SP110: variants seen among roughly 807,000 people sequenced by gnomAD.
The protein encoded by SP110 is interferon-induced protein 41, 30kD.
Under a neutral mutation model 92.7 loss-of-function variants are expected in SP110, and 62 were observed. The observed-to-expected ratio is 0.67, with a 90% CI of 0.55 to 0.83. SP110 has a LOEUF of 0.83. SP110 is among the 40% of genes least tolerant of loss of function. The pLI, the probability that SP110 is intolerant of heterozygous loss-of-function variation, is 0.00. For synonymous variants in SP110, 273 were observed against 305.3 expected, an observed-to-expected ratio of 0.89 and a Z score of 1.10; for missense variants, 793 against 863.9, an observed-to-expected ratio of 0.92 and a Z score of 1.03.
intron 10 of SP110, among the ~76,000 whole-genome samples, chr2:230,190,162 T>C (rs2042546931): frequency 6.6e-6 from 1 of 152,304 alleles, no homozygotes; most frequent in African/African-American, 2.4e-5. Flanking sequence ...TAATTTACAC[T>C]CCCACCAACA....
intron 11 of SP110, among the ~76,000 whole-genome samples, chr2:230,184,832 G>T (rs1204844154): frequency 6.6e-6 from 1 of 152,152 alleles, no homozygotes; most frequent in Non-Finnish European, 1.5e-5. Flanking sequence ...TAATGCTGTG[G>T]TAATTCACGA....
Position 230,168,108 on chromosome 2 carries a change from CAAAAAAAAAAAA to C in SP110, c.*1004_*1015del, listed in dbSNP as rs57421361. On this transcript the variant is annotated 3_prime_UTR_variant, in exon 19 of 19. Transcript: ENST00000258381. ...TGGGTGACAGAGTGAGACTCTGTCT[CAAAAAAAAAAAA>C]AAAAAAAAAAAAAGAAAAAGTGGGC... 18,463 of 62,970 alleles carry C rather than the reference CAAAAAAAAAAAA, an allele frequency of 0.29. 1,435 individuals are homozygous for C. Among genetic ancestry groups the C allele is most frequent in the Middle Eastern group, 0.39 (33 of 84 alleles). The allele number at this position is 62,970 out of a possible 1,614,324, so 3.9% of individuals were successfully genotyped here. A position where few individuals can be genotyped will look rare whatever the true frequency, so the allele number is the denominator to read the frequency against.
intron 8 of SP110, among the ~76,000 whole-genome samples, chr2:230,206,597 A>ATATT (rs2043853385): frequency 3.4e-5 from 1 of 29,478 alleles, no homozygotes; most frequent in Non-Finnish European, 5.9e-5. Flanking sequence ...TCCAGATTTT[A>ATATT]TATATATATA....
At chr2:230,217,846 A>T (rs1476781671) in intron 1 of SP110, among the ~76,000 whole-genome samples, 1 of 152,244 alleles carries the variant, frequency 6.6e-6, no homozygotes, top group Admixed American at 6.5e-5. Flanking sequence ...AAATGGGTAG[A>T]GTTCAGCTGG....
chr2:230,201,735 CTA>C (rs1318519628), intron 9 of SP110, among the ~76,000 whole-genome samples: 1 of 152,132 alleles, frequency 6.6e-6, no homozygotes, highest in Non-Finnish European at 1.5e-5. Context: ...AACAGCTGTA[CTA>C]TTATAAAATC....
chr2:230,211,542 T>C lies in SP110; in HGVS notation c.679A>G (p.Asn227Asp). Residue 227 changes from asparagine to aspartate, a missense_variant, in exon 6 of 19, where the codon AAC becomes GAC. Asn to Asp is a conservative substitution (Grantham distance 23). Transcript: ENST00000258381. The surrounding 1 kb of genome is among the most constrained non-coding windows in gnomAD (Gnocchi z 4.2). ...TTATCTCTTATTTGGGGGATCAGGT[T>C]GTCACTGGCCACTGAATGGAGGAAG... The part of the protein sequence containing the change: ...LTSTVQVASD[N>D]LIPQIRDKED... The C allele has an allele frequency of 6.2e-7, 1 of 1,606,038 alleles. No individual in the cohort carries two copies. The highest frequency in any genetic ancestry group is 8.5e-7 in the Non-Finnish European group (1 of 1,172,652).
At chr2:230,178,536 G>C (rs1375725388) in intron 12 of SP110, among the ~76,000 whole-genome samples, 1 of 151,978 alleles carries the variant, frequency 6.6e-6, no homozygotes, top group Non-Finnish European at 1.5e-5. Context: ...TGAATTGGCT[G>C]TCACTGAATA....
At chr2:230,197,305 A>AT (rs1559158254) in intron 10 of SP110, among the ~76,000 whole-genome samples, 4 of 150,066 alleles carry the variant, frequency 2.7e-5, no homozygotes, top group African/African-American at 7.4e-5. Context: ...GATGATGAGC[A>AT]TTTTTTCATG....
Position 230,216,762 on chromosome 2 carries a change from A to C in SP110, c.147+19T>G. The C allele has an allele frequency of 6.2e-7, 1 of 1,613,452 alleles. No individual in the cohort carries two copies. The highest frequency in any genetic ancestry group is 8.5e-7 in the Non-Finnish European group (1 of 1,179,692). ...TTGGTGGGGGCTGGGCTGCCATGGAAGGGTTCAACATGACTCACCATGTAC... is the reference window on the plus strand; with the variant it reads ...TTGGTGGGGGCTGGGCTGCCATGGACGGGTTCAACATGACTCACCATGTAC... On this transcript the variant is annotated intron_variant, in intron 2 of 18. Transcript: ENST00000258381.
At chr2:230,214,374 G>A (rs1357949969) in intron 3 of SP110, among the ~76,000 whole-genome samples, 1 of 151,984 alleles carries the variant, frequency 6.6e-6, no homozygotes, top group East Asian at 1.9e-4. Context: ...TAAAATCTTG[G>A]GCCCTGGTAT....
At chr2:230,220,698 G>A (rs1287153041), upstream of SP110, among the ~76,000 whole-genome samples, 3 of 152,070 alleles carry the variant, frequency 2.0e-5, no homozygotes, top group Non-Finnish European at 4.4e-5. Context: ...GACATGTGGG[G>A]CCTATGAAAA....
chr2:230,215,346 T>C (rs1371062317), intron 2 of SP110, among the ~76,000 whole-genome samples: 1 of 152,192 alleles, frequency 6.6e-6, no homozygotes, highest in Non-Finnish European at 1.5e-5. Flanking sequence ...ATAATTTAGC[T>C]TTCTTAAAGT....
At chr2:230,185,377 G>A (rs1048711162) in intron 11 of SP110, among the ~76,000 whole-genome samples, 32 of 152,176 alleles carry the variant, frequency 2.1e-4, no homozygotes, top group African/African-American at 7.7e-4. Flanking sequence ...ACCACAGCAT[G>A]TTTGATCACC....
rs762350820 is a variant in SP110, at chr2:230,212,875, T to C, written c.469A>G (p.Ser157Gly). 3.1e-6 allele frequency: 5 copies of C among 1,614,070 alleles called. No homozygotes were observed. Among genetic ancestry groups the C allele is most frequent in the Non-Finnish European group, 3.4e-6 (4 of 1,180,002 alleles). The change falls in exon 4 of 19, where the codon AGT (serine) becomes GGT (glycine). Residue 157 changes from serine to glycine, a missense_variant. Ser to Gly is a moderately conservative substitution (Grantham distance 56). Coordinates refer to ENST00000258381, the MANE Select transcript of SP110 (RefSeq NM_080424.4). ...PSCSPCAPRV[S>G]EPGTSSQQSD... is the part of the protein sequence containing the mutation. ...TGCTGGGAGGATGTTCCAGGCTCAC[T>C]GACTCTTGGCGCACAGGGTGAACAG...
chr2:230,210,826 TG>T (rs968502805), intron 6 of SP110, among the ~76,000 whole-genome samples: 5 of 152,214 alleles, frequency 3.3e-5, no homozygotes, highest in African/African-American at 1.2e-4. Context: ...ATTAGATCTT[TG>T]GAATAATTTA....
rs529350933 is a variant in SP110 at position 230,212,831 on chromosome 2, A to G, written c.513T>C (p.Ser171=). The G allele has an allele frequency of 6.2e-7, 1 of 1,613,990 alleles. No homozygotes were observed. The highest frequency in any genetic ancestry group is 1.3e-5 in the African/African-American group (1 of 74,956). The part of the protein sequence containing the change: ...TSSQQSDEIL[S]ESPSPSDPVL... Reference sequence around the variant, plus strand: ...CAGGGTCAGATGGGCTGGGCGACTCACTCAGGATCTCATCGCTTTGCTGGG... The same window carrying G: ...CAGGGTCAGATGGGCTGGGCGACTCGCTCAGGATCTCATCGCTTTGCTGGG... The change falls in exon 4 of 19, where the codon AGT becomes AGC. Residue 171 remains serine, a synonymous_variant. Transcript: ENST00000258381.
At chr2:230,202,787 A>C in intron 8 of SP110, 59 bp from the exon 9 acceptor site, 9 of 1,528,482 alleles carry the variant, frequency 5.9e-6, no homozygotes, top group Non-Finnish European at 8.2e-6. Flanking sequence ...AGCCTCCTAC[A>C]GTCCCAATCA....
At chr2:230,183,776 G>A (rs756028480) in intron 11 of SP110, 136 bp from the exon 12 acceptor site, 90 of 699,206 alleles carry the variant, frequency 1.3e-4, no homozygotes, top group Non-Finnish European at 2.0e-4. Flanking sequence ...CTTATGAAAG[G>A]ACTTCCTTGT....
At chr2:230,179,919 C>T (rs1370360361) in intron 12 of SP110, among the ~76,000 whole-genome samples, 1 of 152,096 alleles carries the variant, frequency 6.6e-6, no homozygotes, top group Non-Finnish European at 1.5e-5. Flanking sequence ...GGCCTTTAGA[C>T]CCGAGGACTT....
Sources: gnomAD v4.1 joint callset for allele counts (sites outside exome capture counted in the v4.1 genomes callset) on GRCh38, gnomAD v4.1.1 for gene constraint, Gnocchi (gnomAD v3.1) non-coding constraint, MANE v1.5 for transcripts, NCBI Gene and HGNC (gene_info 2026-07-23, HGNC 2026-07-21) for gene names.